The following SPTBN1 variants were observed in gnomAD, a reference collection of about 807,000 sequenced individuals.
The protein encoded by SPTBN1 is spectrin beta, non-erythrocytic 1.
In SPTBN1, 32 loss-of-function variants were observed where a neutral mutation model predicts 266.4. That is an observed-to-expected ratio of 0.12 (90% CI 0.09 to 0.16). The LOEUF is 0.16. Among genes scored for constraint, SPTBN1 ranks in the 10% least tolerant of loss-of-function variants. The pLI is 1.00. For missense variants in SPTBN1, 2,296 were observed against 3,067.1 expected, an observed-to-expected ratio of 0.75 and a Z score of 5.94; for synonymous variants, 1,336 against 1,162.2, an observed-to-expected ratio of 1.15 and a Z score of -3.04.
chr2:54,577,111 C>T (rs925489131), intron 2 of SPTBN1, among the ~76,000 whole-genome samples: 1 of 151,972 alleles, frequency 6.6e-6, no homozygotes, highest in Non-Finnish European at 1.5e-5. Flanking sequence ...GGGGTTTTGC[C>T]TCCTTTTTGT....
At chr2:54,483,059 G>A (rs1420756717) in intron 1 of SPTBN1, among the ~76,000 whole-genome samples, 1 of 152,194 alleles carries the variant, frequency 6.6e-6, no homozygotes. Flanking sequence ...AGGGAAGAGA[G>A]AATGCAGCTT....
chr2:54,469,695 A>G (rs532654527), intron 1 of SPTBN1, among the ~76,000 whole-genome samples: 2 of 152,330 alleles, frequency 1.3e-5, no homozygotes, highest in Non-Finnish European at 2.9e-5. Context: ...AGAGGAGGGT[A>G]GGGGGCTGGA....
intron 1 of SPTBN1, among the ~76,000 whole-genome samples, chr2:54,473,505 T>G (rs1694030111): frequency 6.9e-6 from 1 of 144,036 alleles, no homozygotes; most frequent in African/African-American, 2.4e-5. Flanking sequence ...CCAGTTTTGT[T>G]TTTTTTTTAA....
chr2:54,545,039 T>C (rs1014296313), intron 2 of SPTBN1, among the ~76,000 whole-genome samples: 3 of 152,212 alleles, frequency 2.0e-5, no homozygotes, highest in Non-Finnish European at 4.4e-5. Flanking sequence ...TGGTTTTCTG[T>C]CCTTGTGATA....
chr2:54,494,865 G>A (rs942295290), intron 1 of SPTBN1, among the ~76,000 whole-genome samples: 4 of 151,692 alleles, frequency 2.6e-5, no homozygotes, highest in African/African-American at 9.7e-5. Flanking sequence ...TTGCCAAATT[G>A]TGTAATATGC....
At chr2:54,666,710 TA>T (rs1436429929) in intron 34 of SPTBN1, among the ~76,000 whole-genome samples, 1 of 152,244 alleles carries the variant, frequency 6.6e-6, no homozygotes, top group Non-Finnish European at 1.5e-5. Context: ...AAAATTATTT[TA>T]TCTTGTAAAA....
In SPTBN1 at chr2:54,668,901, G is replaced by C. The variant is rs979182687; in HGVS notation, c.*332G>C. The C allele has an allele frequency of 3.1e-5, 9 of 287,882 alleles. No homozygotes were observed. The highest frequency in any genetic ancestry group is 1.5e-4 in the Admixed American group (3 of 20,014). The allele number at this position is 287,882 out of a possible 1,614,324, so 17.8% of individuals were successfully genotyped here. ...TCTAGTGCTGTTGGTATGCAAGGCA[G>C]CGGTGCTTAATCAATATTTCCTGTG... On this transcript the variant is annotated 3_prime_UTR_variant, in exon 36 of 36. Coordinates refer to ENST00000356805, the MANE Select transcript of SPTBN1 (RefSeq NM_003128.3).
Position 54,525,429 on chromosome 2 carries a change from G to A in SPTBN1, c.-47-943G>A, listed in dbSNP as rs866132179. Among the ~76,000 whole-genome samples the A allele has an allele frequency of 9.2e-5, 14 of 151,742 alleles. 1 individual carries two copies. The highest frequency in any genetic ancestry group is 2.4e-4 in the African/African-American group (10 of 41,394). Reference sequence around the variant, plus strand: ...CCCAGCTAATTTTTTATTTTTAGTAGTGATGGGTTGGTCAGGCTGAACTGG... The same window carrying A: ...CCCAGCTAATTTTTTATTTTTAGTAATGATGGGTTGGTCAGGCTGAACTGG... On this transcript the variant is annotated intron_variant, in intron 1 of 35. Transcript: ENST00000356805.
At position 54,649,879 on chromosome 2, in the gene SPTBN1, G is replaced by A; in HGVS notation, c.5467G>A (p.Asp1823Asn). 6.2e-7 allele frequency: 1 copy of A among 1,614,172 alleles called. No individual in the cohort carries two copies. The highest frequency in any genetic ancestry group is 2.2e-5 in the East Asian group (1 of 44,890). ...DAKEIFGRIQ[D>N]KHKKLPEELG... ...CAAGGAGATCTTTGGGCGTATACAG[G>A]ACAAACACAAGAAACTCCCTGAGGA... The change falls in exon 26 of 36, where the codon GAC (aspartate) becomes AAC (asparagine). Residue 1823 changes from aspartate (D) to asparagine (N), a missense_variant. Coordinates refer to ENST00000356805, the MANE Select transcript of SPTBN1 (RefSeq NM_003128.3). The surrounding 1 kb of genome is among the most constrained non-coding windows in gnomAD (Gnocchi z 6.7).
chr2:54,668,379 T>A lies in SPTBN1; in HGVS notation c.6905T>A (p.Ile2302Asn). 1 of 1,614,106 alleles carries A rather than the reference T, an allele frequency of 6.2e-7. No individual in the cohort carries two copies. Among genetic ancestry groups the A allele is most frequent in the Non-Finnish European group, 8.5e-7 (1 of 1,180,026 alleles). The change falls in exon 36 of 36, where the codon ATC becomes AAC. Residue 2302 changes from isoleucine (I) to asparagine (N), a missense_variant. Ile to Asn is a moderately radical substitution (Grantham distance 149). This residue lies in a region of SPTBN1 where 347 missense variants were observed against 368.5 expected (regional missense o/e 0.94). Coordinates refer to ENST00000356805, the MANE Select transcript of SPTBN1 (RefSeq NM_003128.3). ...GAAATGAACACATGGATCCAGGCTATCTCTTCCGCCATCTCCTCTGATAAA... is the reference window on the plus strand; with the variant it reads ...GAAATGAACACATGGATCCAGGCTAACTCTTCCGCCATCTCCTCTGATAAA... ...DEEMNTWIQA[I>N]SSAISSDKHE...
At position 54,647,117 on chromosome 2, in the gene SPTBN1, T is replaced by A. The variant is rs746054039; in HGVS notation, c.4867-14T>A. ...GGGGACCGCTATGGTTGTGATGTTC[T>A]CCTGTCTTTGCAGGATGAGCAGAGT... On this transcript the variant is annotated splice_polypyrimidine_tract_variant and intron_variant, in intron 23 of 35. Transcript: ENST00000356805. The A allele has an allele frequency of 1.2e-6, 2 of 1,614,060 alleles. No individual in the cohort carries two copies. Among genetic ancestry groups the A allele is most frequent in the Non-Finnish European group, 1.7e-6 (2 of 1,180,022 alleles).
chr2:54,492,387 ATGAGCATCAC>A (rs922888524), intron 1 of SPTBN1, among the ~76,000 whole-genome samples: 14 of 132,692 alleles, frequency 1.1e-4, no homozygotes, highest in African/African-American at 4.2e-4. Flanking sequence ...AAGCACAGTG[ATGAGCATCAC>A]TGCATTCATA....
At chr2:54,564,362 C>A (rs1673530784) in intron 2 of SPTBN1, among the ~76,000 whole-genome samples, 1 of 152,154 alleles carries the variant, frequency 6.6e-6, no homozygotes, top group African/African-American at 2.4e-5. Context: ...CATCACCTCT[C>A]CTCACTCCTC....
chr2:54,602,259 A>G (rs1676545040), intron 3 of SPTBN1, among the ~76,000 whole-genome samples: 3 of 152,200 alleles, frequency 2.0e-5, no homozygotes, highest in Admixed American at 6.5e-5. Flanking sequence ...TTGGCAGATA[A>G]AAGTGTGAGC....
At chr2:54,600,007 G>A (rs1432573394) in intron 3 of SPTBN1, among the ~76,000 whole-genome samples, 1 of 152,218 alleles carries the variant, frequency 6.6e-6, no homozygotes, top group Non-Finnish European at 1.5e-5. Context: ...TGGAAGTGGT[G>A]CCGAGCCAGA....
chr2:54,606,915 A>G (rs1421398555), intron 3 of SPTBN1, among the ~76,000 whole-genome samples: 2 of 152,198 alleles, frequency 1.3e-5, no homozygotes, highest in Admixed American at 6.5e-5. Context: ...AGAATTTTAG[A>G]TTAAGCCCAC....
At chr2:54,592,379 TTC>T (rs1675737260) in intron 2 of SPTBN1, among the ~76,000 whole-genome samples, 1 of 106,136 alleles carries the variant, frequency 9.4e-6, no homozygotes, top group Non-Finnish European at 1.7e-5. Flanking sequence ...ACTTTTTTTT[TTC>T]TTTTTTCTTT....
At chr2:54,642,906 A>G in intron 18 of SPTBN1, 77 bp from the exon 19 acceptor site, 1 of 1,545,110 alleles carries the variant, frequency 6.5e-7, no homozygotes, top group Non-Finnish European at 8.8e-7. Context: ...AATATGACAT[A>G]AACACAACCC....
rs562626915 is a variant in SPTBN1 at position 54,553,453 on chromosome 2, G to A, written c.148+26887G>A. Among the ~76,000 whole-genome samples, 55 of 152,274 alleles carry A rather than the reference G, an allele frequency of 3.6e-4. 1 individual carries two copies. Among genetic ancestry groups the A allele is most frequent in the Middle Eastern group, 3.4e-3 (1 of 294 alleles). On this transcript the variant is annotated intron_variant, in intron 2 of 35. Transcript: ENST00000356805. ...AAATGCAGTGGCATGGTTTGGAGCCGCTTCTCTATCTGGCCACGCTAATGG... is the reference window on the plus strand; with the variant it reads ...AAATGCAGTGGCATGGTTTGGAGCCACTTCTCTATCTGGCCACGCTAATGG...
Sources: allele counts gnomAD v4.1 joint callset (sites outside exome capture counted in the v4.1 genomes callset), GRCh38; gene constraint gnomAD v4.1.1; regional missense constraint gnomAD v4.1.1; non-coding constraint Gnocchi (gnomAD v3.1); transcripts MANE v1.5; gene names NCBI Gene and HGNC (gene_info 2026-07-23, HGNC 2026-07-21).